SLC10A7: variants seen among roughly 807,000 people sequenced by gnomAD.
The protein encoded by SLC10A7 is solute carrier family 10 member 7.
In SLC10A7, 29 loss-of-function variants were observed where a neutral mutation model predicts 43.2. The observed-to-expected ratio is 0.67, with a 90% CI of 0.50 to 0.92. SLC10A7 has a LOEUF of 0.92. Ranked by LOEUF, SLC10A7 falls within the 40% of genes least tolerant of loss-of-function variation. The probability of loss-of-function intolerance (pLI) is 0.00; values close to 1 mark genes in which losing one functional copy is unlikely to be tolerated. For missense variants in SLC10A7, 295 were observed against 403.2 expected, an observed-to-expected ratio of 0.73 and a Z score of 2.30; for synonymous variants, 152 against 144.8, an observed-to-expected ratio of 1.05 and a Z score of -0.35.
In SLC10A7 at chr4:146,260,120, C is replaced by T. The variant is rs184190102; in HGVS notation, c.848-1283G>A. Among the ~76,000 whole-genome samples the T allele has an allele frequency of 2.1e-3, 321 of 152,268 alleles. 1 individual carries two copies. Among genetic ancestry groups the T allele is most frequent in the Middle Eastern group, 0.02 (6 of 294 alleles). ...ACACTTAACTCTTCCCAAACATAGTCTCTGAGAGCTTCTAAAGTACATGCT... is the reference window on the plus strand; with the variant it reads ...ACACTTAACTCTTCCCAAACATAGTTTCTGAGAGCTTCTAAAGTACATGCT... On this transcript the variant is annotated intron_variant, in intron 10 of 11. Transcript: ENST00000335472.
Position 146,258,734 on chromosome 4 carries a change from C to T in SLC10A7, c.951G>A (p.Val317=). 2 of 1,607,666 alleles carry T rather than the reference C, an allele frequency of 1.2e-6. No individual in the cohort carries two copies. Among genetic ancestry groups the T allele is most frequent in the Non-Finnish European group, 1.7e-6 (2 of 1,178,654 alleles). ...YHPAQILLGS[V]LVPTIKSWMV... is the part of the protein sequence containing the mutation. ...TCCAAGACTTGATTGTTGGCACCAA[C>T]ACACTTCCCAGAAGGATCTGAGCTG... The change falls in exon 11 of 12, where the codon GTG becomes GTA. Residue 317 remains valine (V), a synonymous_variant. Coordinates refer to ENST00000335472, the MANE Select transcript of SLC10A7 (RefSeq NM_001029998.6).
At chr4:146,414,803 T>C (rs1728456194) in intron 5 of SLC10A7, among the ~76,000 whole-genome samples, 1 of 151,178 alleles carries the variant, frequency 6.6e-6, no homozygotes, top group African/African-American at 2.4e-5. Flanking sequence ...AACCTATGCA[T>C]TACTGAAAGT....
intron 5 of SLC10A7, among the ~76,000 whole-genome samples, chr4:146,390,001 T>TA (rs2149802125): frequency 6.6e-6 from 1 of 152,346 alleles, no homozygotes; most frequent in African/African-American, 2.4e-5. Context: ...AACATATTTT[T>TA]AGGAGTTACA....
intron 10 of SLC10A7, among the ~76,000 whole-genome samples, chr4:146,279,597 T>G (rs1467501225): frequency 6.6e-6 from 1 of 152,118 alleles, no homozygotes; most frequent in Non-Finnish European, 1.5e-5. Context: ...CTTGACAAAA[T>G]ATAAAATTAC....
At chr4:146,292,869 A>C (rs1730534492) in intron 9 of SLC10A7, 60 bp downstream of exon 9, 2 of 1,224,736 alleles carry the variant, frequency 1.6e-6, no homozygotes, top group Non-Finnish European at 2.4e-6. Flanking sequence ...CATAGTAGCC[A>C]AGTAGACCGC....
intron 2 of SLC10A7, among the ~76,000 whole-genome samples, chr4:146,510,938 A>G (rs1346065128): frequency 6.6e-6 from 1 of 152,214 alleles, no homozygotes; most frequent in Non-Finnish European, 1.5e-5. Flanking sequence ...ATTCTTTGTT[A>G]ACACTAACAG....
intron 5 of SLC10A7, among the ~76,000 whole-genome samples, chr4:146,377,106 T>C (rs1737256878): frequency 6.6e-6 from 1 of 152,200 alleles, no homozygotes; most frequent in Non-Finnish European, 1.5e-5. Flanking sequence ...TTTTTATTAT[T>C]ACAGCTAGCA....
intron 4 of SLC10A7, among the ~76,000 whole-genome samples, chr4:146,486,504 A>G (rs1198754265): frequency 6.6e-6 from 1 of 152,222 alleles, no homozygotes; most frequent in Non-Finnish European, 1.5e-5. Context: ...CTAATGCTGC[A>G]GTTGTTTTCC....
At chr4:146,488,794 A>C (rs1484637473) in intron 4 of SLC10A7, among the ~76,000 whole-genome samples, 1 of 152,244 alleles carries the variant, frequency 6.6e-6, no homozygotes, top group East Asian at 1.9e-4. Flanking sequence ...TATATAGCCT[A>C]TTGTGTATCT....
chr4:146,302,791 T>A (rs558078476), intron 7 of SLC10A7, among the ~76,000 whole-genome samples: 1 of 152,214 alleles, frequency 6.6e-6, no homozygotes, highest in Admixed American at 6.5e-5. Context: ...ATTTTTTAAG[T>A]ATCATTTTAT....
chr4:146,465,644 T>C (rs989900681), intron 4 of SLC10A7, among the ~76,000 whole-genome samples: 2 of 152,190 alleles, frequency 1.3e-5, no homozygotes, highest in African/African-American at 4.8e-5. Flanking sequence ...GATTTGTCCA[T>C]GCACAAAGTT....
rs370857786 is a variant in SLC10A7, at chr4:146,351,312, C to T, written c.436-25316G>A. Reference sequence around the variant, plus strand: ...GGAAGATGAAATGAATGAAATGAAGCGAGAAGGGAAGTTTAGAGAAAAAAG... The same window carrying T: ...GGAAGATGAAATGAATGAAATGAAGTGAGAAGGGAAGTTTAGAGAAAAAAG... On this transcript the variant is annotated intron_variant, in intron 5 of 11. Coordinates refer to ENST00000335472, the MANE Select transcript of SLC10A7 (RefSeq NM_001029998.6). Among the ~76,000 whole-genome samples, 1,480 of 150,362 alleles carry T rather than the reference C, an allele frequency of 9.8e-3. 20 individuals carry two copies. Among genetic ancestry groups the T allele is most frequent in the African/African-American group, 0.033 (1,343 of 40,404 alleles).
chr4:146,447,689 T>C (rs1230324247), intron 4 of SLC10A7, among the ~76,000 whole-genome samples: 1 of 151,996 alleles, frequency 6.6e-6, no homozygotes, highest in Admixed American at 6.5e-5. Flanking sequence ...AAGTTCATAT[T>C]GAGATTTTTT....
intron 5 of SLC10A7, among the ~76,000 whole-genome samples, chr4:146,379,224 G>A (rs1016117907): frequency 8.5e-5 from 13 of 152,196 alleles, no homozygotes; most frequent in African/African-American, 3.1e-4. Flanking sequence ...GCTCAGAATA[G>A]TTCATATCAG....
In SLC10A7 at chr4:146,258,719, G is replaced by T; in HGVS notation, c.966C>A (p.Ile322=). The T allele has an allele frequency of 6.2e-7, 1 of 1,603,842 alleles. No individual in the cohort carries two copies. The highest frequency in any genetic ancestry group is 1.1e-5 in the South Asian group (1 of 88,514). Residue 322 remains isoleucine (I), a synonymous_variant, in exon 11 of 12, where the codon ATC becomes ATA. Transcript: ENST00000335472. ...ILLGSVLVPT[I]KSWMVSRQKG... ...TCTGCCTTGATACCATCCAAGACTT[G>T]ATTGTTGGCACCAACACACTTCCCA...
At chr4:146,349,317 T>C (rs1734850047) in intron 5 of SLC10A7, among the ~76,000 whole-genome samples, 1 of 152,018 alleles carries the variant, frequency 6.6e-6, no homozygotes, top group Non-Finnish European at 1.5e-5. Flanking sequence ...TGAGACACCA[T>C]CTCACACCAG....
chr4:146,326,698 A>G (rs1378815702), intron 5 of SLC10A7, among the ~76,000 whole-genome samples: 1 of 152,244 alleles, frequency 6.6e-6, no homozygotes, highest in East Asian at 1.9e-4. Context: ...GCAAATCTTT[A>G]AAACTAAGTG....
chr4:146,479,423 TA>T (rs926268135), intron 4 of SLC10A7, among the ~76,000 whole-genome samples: 1 of 152,142 alleles, frequency 6.6e-6, no homozygotes, highest in African/African-American at 2.4e-5. Context: ...AAGATAAATA[TA>T]AAAAAGATAA....
chr4:146,272,574 C>A (rs903687688), intron 10 of SLC10A7, among the ~76,000 whole-genome samples: 8 of 152,116 alleles, frequency 5.3e-5, no homozygotes, highest in African/African-American at 1.9e-4. Context: ...AACCTGGTTT[C>A]TAGTGTCTGG....
Sources: gnomAD v4.1 joint callset for allele counts (sites outside exome capture counted in the v4.1 genomes callset) on GRCh38, gnomAD v4.1.1 for gene constraint, MANE v1.5 for transcripts, NCBI Gene and HGNC (gene_info 2026-07-23, HGNC 2026-07-21) for gene names.